The following CNTN3 variants were observed in gnomAD, a reference collection of about 807,000 sequenced individuals.
The protein encoded by CNTN3 is contactin-3.
Under a neutral mutation model 119.1 loss-of-function variants are expected in CNTN3, and 60 were observed. That is an observed-to-expected ratio of 0.50 (90% CI 0.41 to 0.62). The LOEUF is 0.62. Among genes scored for constraint, CNTN3 ranks in the 20% least tolerant of loss-of-function variants. The pLI, the probability that CNTN3 is intolerant of heterozygous loss-of-function variation, is 0.00. For missense variants in CNTN3, 1,101 were observed against 1,242.4 expected (o/e 0.89, Z 1.71); for synonymous variants, 450 against 438.7 (o/e 1.03, Z -0.32).
chr3:74,424,200 G>C (rs1011029029), intron 5 of CNTN3, among the ~76,000 whole-genome samples: 5 of 151,938 alleles, frequency 3.3e-5, no homozygotes, highest in Non-Finnish European at 7.4e-5. Context: ...CAGCACCCCA[G>C]GCTCATACTG....
In CNTN3 at chr3:74,376,161, T is replaced by G. The variant is rs552321263; in HGVS notation, c.455-4762A>C. ...GAACAAAGCCCTGCTGACACCTTGA[T>G]GTGAGCCCATTGAGACTTGCGTTGG... On this transcript the variant is annotated intron_variant, in intron 5 of 22. Coordinates refer to ENST00000263665, the MANE Select transcript of CNTN3 (RefSeq NM_020872.3). Among the ~76,000 whole-genome samples, 3 of 152,200 alleles carry G rather than the reference T, an allele frequency of 2.0e-5. No homozygotes were observed. In the South Asian group the frequency reaches 6.2e-4, roughly 31 times the overall value.
At chr3:74,546,961 A>C (rs1240079843) in intron 1 of CNTN3, among the ~76,000 whole-genome samples, 1 of 152,110 alleles carries the variant, frequency 6.6e-6, no homozygotes, top group African/African-American at 2.4e-5. Flanking sequence ...TTGATTTCGC[A>C]AAATTAACTT....
At chr3:74,478,107 C>T (rs770779671) in intron 4 of CNTN3, among the ~76,000 whole-genome samples, 2 of 151,988 alleles carry the variant, frequency 1.3e-5, no homozygotes, top group Non-Finnish European at 2.9e-5. Flanking sequence ...GAACAAAGTA[C>T]AAATGTAAAT....
At chr3:74,406,684 T>C (rs1010419268) in intron 5 of CNTN3, among the ~76,000 whole-genome samples, 12 of 152,116 alleles carry the variant, frequency 7.9e-5, no homozygotes, top group African/African-American at 2.9e-4. Flanking sequence ...TTTTCCTTCA[T>C]CCAGATACTT....
intron 13 of CNTN3, among the ~76,000 whole-genome samples, chr3:74,317,696 T>C (rs1101687): frequency 0.3 from 46,096 of 152,038 alleles, 7,685 homozygotes; most frequent in East Asian, 0.68. Flanking sequence ...AGAGTTTCTG[T>C]GGAGAGATCA....
At chr3:74,614,287 C>G (rs1383365276) in intron 1 of CNTN3, among the ~76,000 whole-genome samples, 104 bp downstream of exon 1, 1 of 152,154 alleles carries the variant, frequency 6.6e-6, no homozygotes, top group Non-Finnish European at 1.5e-5. Context: ...TGCAAACAAA[C>G]TTCGGGGCTG....
rs558252459 is a variant in CNTN3 at position 74,450,852 on chromosome 3, T to C, written c.359-25912A>G. Among the ~76,000 whole-genome samples the C allele has an allele frequency of 8.8e-3, 1,332 of 152,214 alleles. 16 individuals carry two copies. Among genetic ancestry groups the C allele is most frequent in the African/African-American group, 0.03 (1,265 of 41,542 alleles). On this transcript the variant is annotated intron_variant, in intron 4 of 22. Coordinates refer to ENST00000263665, the MANE Select transcript of CNTN3 (RefSeq NM_020872.3). ...ACAAAGGACATGAACTCATCATTTTTTATGGCTGCGTAGTATTCCATGGTG... is the reference window on the plus strand; with the variant it reads ...ACAAAGGACATGAACTCATCATTTTCTATGGCTGCGTAGTATTCCATGGTG...
At chr3:74,476,684 GA>G (rs1559622673) in intron 4 of CNTN3, among the ~76,000 whole-genome samples, 1 of 152,112 alleles carries the variant, frequency 6.6e-6, no homozygotes, top group Non-Finnish European at 1.5e-5. Context: ...GAAAATGAGA[GA>G]GGGGTCAAAT....
rs561765288 is a variant in CNTN3, at chr3:74,371,523, G to A, written c.455-124C>T. On this transcript the variant is annotated intron_variant, in intron 5 of 22. Transcript: ENST00000263665. ...GTAGTGCTGAGTGTTTTTGTTGCAG[G>A]CCATGAAGAGAAGCAGTTAAGTGAA... The A allele has an allele frequency of 8.2e-5, 55 of 668,394 alleles. No individual in the cohort carries two copies. In the African/African-American group the frequency reaches 8.9e-4, roughly 11 times the overall value. 41.4% of individuals were successfully genotyped at this position (668,394 alleles called of 1,614,324 possible).
At chr3:74,391,228 T>C (rs1274155799) in intron 5 of CNTN3, among the ~76,000 whole-genome samples, 2 of 152,192 alleles carry the variant, frequency 1.3e-5, no homozygotes, top group Non-Finnish European at 2.9e-5. Flanking sequence ...TTAAAGAAGA[T>C]ATGGAATATT....
intron 20 of CNTN3, among the ~76,000 whole-genome samples, chr3:74,279,125 A>G (rs889904454): frequency 6.6e-6 from 1 of 152,144 alleles, no homozygotes; most frequent in East Asian, 1.9e-4. Flanking sequence ...GTTGGTGTGG[A>G]TGCGGTGATC....
intron 10 of CNTN3, among the ~76,000 whole-genome samples, chr3:74,363,602 T>C (rs1704123827): frequency 6.6e-6 from 1 of 152,148 alleles, no homozygotes; most frequent in African/African-American, 2.4e-5. Context: ...CAAATCAGGC[T>C]ATATGGGGCC....
In CNTN3 at chr3:74,362,057, G is replaced by T; in HGVS notation, c.1214-17C>A. 1.2e-6 allele frequency: 2 copies of T among 1,611,344 alleles called. No individual in the cohort carries two copies. Among genetic ancestry groups the T allele is most frequent in the Non-Finnish European group, 1.7e-6 (2 of 1,178,304 alleles). On this transcript the variant is annotated splice_polypyrimidine_tract_variant and intron_variant, in intron 10 of 22. Coordinates refer to ENST00000263665, the MANE Select transcript of CNTN3 (RefSeq NM_020872.3). ...GAGCAGAAGCTGAAAGGCAAGAAAGGAGAGAAGGAGAAGTGGATCATTTAC... is the reference window on the plus strand; with the variant it reads ...GAGCAGAAGCTGAAAGGCAAGAAAGTAGAGAAGGAGAAGTGGATCATTTAC...
intron 19 of CNTN3, among the ~76,000 whole-genome samples, chr3:74,288,762 C>T (rs1262024774): frequency 6.6e-6 from 1 of 152,122 alleles, no homozygotes; most frequent in African/African-American, 2.4e-5. Flanking sequence ...AACGTGGGAG[C>T]TTTCATTCCT....
intron 1 of CNTN3, among the ~76,000 whole-genome samples, chr3:74,562,172 C>A (rs953774145): frequency 5.9e-5 from 9 of 151,966 alleles, no homozygotes; most frequent in African/African-American, 1.9e-4. Context: ...AAAGGATTGA[C>A]AAAACAAAGT....
intron 11 of CNTN3, among the ~76,000 whole-genome samples, chr3:74,351,794 C>T (rs1414398299): frequency 6.6e-6 from 1 of 152,084 alleles, no homozygotes; most frequent in Non-Finnish European, 1.5e-5. Context: ...GAGCCCCATC[C>T]CAAACCCAAA....
At chr3:74,285,129 G>C (rs1702084887) in intron 20 of CNTN3, among the ~76,000 whole-genome samples, 176 bp downstream of exon 20, 1 of 152,068 alleles carries the variant, frequency 6.6e-6, no homozygotes, top group South Asian at 2.1e-4. Flanking sequence ...AAAGATTTAG[G>C]GATATCATGA....
At chr3:74,302,389 C>T (rs1315482650) in intron 14 of CNTN3, among the ~76,000 whole-genome samples, 2 of 152,200 alleles carry the variant, frequency 1.3e-5, no homozygotes, top group Non-Finnish European at 2.9e-5. Context: ...AAACACACTG[C>T]ACAATATTCT....
At chr3:74,361,848 T>C in intron 11 of CNTN3, 42 bp downstream of exon 11, 1 of 1,563,440 alleles carries the variant, frequency 6.4e-7, no homozygotes, top group Non-Finnish European at 8.7e-7. Flanking sequence ...GTATGGAAAG[T>C]GAGAGGAAAG....
Sources: gnomAD v4.1 joint callset for allele counts (sites outside exome capture counted in the v4.1 genomes callset) on GRCh38, gnomAD v4.1.1 for gene constraint, MANE v1.5 for transcripts, NCBI Gene and HGNC (gene_info 2026-07-23, HGNC 2026-07-21) for gene names.